Variants in FNIP2 observed in about 807,000 individuals in gnomAD.
The protein encoded by FNIP2 is folliculin-interacting protein 2.
Under a neutral mutation model 108.7 loss-of-function variants are expected in FNIP2, and 32 were observed. The observed-to-expected ratio is 0.29, with a 90% CI of 0.22 to 0.40. FNIP2 has a LOEUF of 0.40. Among genes scored for constraint, FNIP2 ranks in the 10% least tolerant of loss-of-function variants. FNIP2 has a pLI of 1.00. For synonymous variants in FNIP2, 480 were observed against 496.7 expected (o/e 0.97, Z 0.45); for missense variants, 1,202 against 1,381.6 (o/e 0.87, Z 2.06).
At chr4:158,778,629 GTTA>G (rs1240270508) in intron 1 of FNIP2, among the ~76,000 whole-genome samples, 3 of 152,036 alleles carry the variant, frequency 2.0e-5, no homozygotes, top group South Asian at 2.1e-4. Context: ...TTTATTATTA[GTTA>G]TTGTTGTTAA....
intron 1 of FNIP2, among the ~76,000 whole-genome samples, chr4:158,777,359 T>A (rs1775895126): frequency 1.3e-5 from 2 of 152,236 alleles, no homozygotes; most frequent in Admixed American, 6.5e-5. Flanking sequence ...AGACTATATT[T>A]GCATGTTAAA....
intron 1 of FNIP2, among the ~76,000 whole-genome samples, chr4:158,796,276 G>A (rs926812090): frequency 6.6e-6 from 1 of 152,170 alleles, no homozygotes; most frequent in African/African-American, 2.4e-5. Context: ...AGGGGAAATT[G>A]ATGTGACTGA....
At chr4:158,792,463 A>C (rs1314167383) in intron 1 of FNIP2, among the ~76,000 whole-genome samples, 3 of 151,864 alleles carry the variant, frequency 2.0e-5, no homozygotes, top group Non-Finnish European at 4.4e-5. Context: ...CTACTGTAAG[A>C]AGCTGTGATG....
chr4:158,825,542 A>T (rs1560779772), intron 1 of FNIP2, among the ~76,000 whole-genome samples: 1 of 152,224 alleles, frequency 6.6e-6, no homozygotes, highest in African/African-American at 2.4e-5. Context: ...ACACTCCTTT[A>T]ACTCGGATAT....
intron 7 of FNIP2, among the ~76,000 whole-genome samples, chr4:158,842,056 G>A (rs1779162997): frequency 6.6e-6 from 1 of 152,212 alleles, no homozygotes; most frequent in African/African-American, 2.4e-5. Context: ...ATATATGTGA[G>A]CTTGATAATC....
intron 1 of FNIP2, among the ~76,000 whole-genome samples, chr4:158,804,582 T>A (rs1776875658): frequency 6.6e-6 from 1 of 152,088 alleles, no homozygotes; most frequent in Non-Finnish European, 1.5e-5. Flanking sequence ...CTGGCTCATT[T>A]TCTAATTTTT....
chr4:158,821,839 G>A (rs934593798), intron 1 of FNIP2, among the ~76,000 whole-genome samples: 73 of 152,188 alleles, frequency 4.8e-4, no homozygotes, highest in African/African-American at 1.7e-3. Context: ...GTGTCTCACC[G>A]CACTTTGGGA....
intron 16 of FNIP2, among the ~76,000 whole-genome samples, chr4:158,898,850 G>A (rs1215890175): frequency 6.6e-6 from 1 of 152,120 alleles, no homozygotes; most frequent in Non-Finnish European, 1.5e-5. Flanking sequence ...TGATTGTCCT[G>A]GCCAGAACTT....
intron 1 of FNIP2, among the ~76,000 whole-genome samples, chr4:158,811,967 G>T (rs1777300168): frequency 6.6e-6 from 1 of 152,190 alleles, no homozygotes; most frequent in Non-Finnish European, 1.5e-5. Context: ...GAACATGCCT[G>T]GTGTGCATCC....
intron 7 of FNIP2, among the ~76,000 whole-genome samples, chr4:158,850,989 G>A (rs1232142974): frequency 6.6e-6 from 1 of 152,010 alleles, no homozygotes; most frequent in Non-Finnish European, 1.5e-5. Flanking sequence ...AGAAATCTTA[G>A]GAAGAGAGAA....
chr4:158,861,407 C>A lies in FNIP2; in HGVS notation c.1214C>A (p.Ser405Tyr). Residue 405 changes from serine (S) to tyrosine (Y), a missense_variant, in exon 11 of 17, where the codon TCC (serine) becomes TAC (tyrosine). This residue lies in a region of FNIP2 where 878 missense variants were observed against 990.3 expected (regional missense o/e 0.89). Transcript: ENST00000264433. ...GAACCTGTATGGCTTACTATGATGT[C>A]CGGCACTTTGGAAAAAAACCAGCTC... ...IAEPVWLTMM[S>Y]GTLEKNQLCQ... 6.2e-7 allele frequency: 1 copy of A among 1,613,992 alleles called. No homozygotes were observed. The highest frequency in any genetic ancestry group is 8.5e-7 in the Non-Finnish European group (1 of 1,179,896).
At chr4:158,821,743 CT>C (rs1348166844) in intron 1 of FNIP2, among the ~76,000 whole-genome samples, 1 of 152,214 alleles carries the variant, frequency 6.6e-6, no homozygotes, top group Admixed American at 6.5e-5. Flanking sequence ...CTGTCTCATT[CT>C]GAAGCACTGG....
At chr4:158,773,266 A>C (rs1012482193) in intron 1 of FNIP2, among the ~76,000 whole-genome samples, 1 of 152,200 alleles carries the variant, frequency 6.6e-6, no homozygotes, top group Admixed American at 6.5e-5. Flanking sequence ...CACACTCCTT[A>C]CATCATATCT....
At position 158,879,493 on chromosome 4, in the gene FNIP2, G is replaced by A. The variant is rs372395004; in HGVS notation, c.2949+9024G>A. Among the ~76,000 whole-genome samples, 238 of 150,344 alleles carry A rather than the reference G, an allele frequency of 1.6e-3. 16 individuals are homozygous for A. The highest frequency in any genetic ancestry group is 5.6e-3 in the African/African-American group (225 of 40,408). ...TTTTCAGGGAACTGAAGCCCCTTTC[G>A]CTGATGACCCCTTCAGCATATCTCA... On this transcript the variant is annotated intron_variant, in intron 14 of 16. Transcript: ENST00000264433.
At chr4:158,865,131 C>CT (rs1175972959) in intron 12 of FNIP2, among the ~76,000 whole-genome samples, 1 of 152,132 alleles carries the variant, frequency 6.6e-6, no homozygotes, top group East Asian at 1.9e-4. Context: ...TTTTCTTCTG[C>CT]TTTTTCCCCA....
intron 1 of FNIP2, among the ~76,000 whole-genome samples, chr4:158,804,063 G>A (rs1026136546): frequency 1.3e-5 from 2 of 151,962 alleles, no homozygotes; most frequent in African/African-American, 2.4e-5. Flanking sequence ...CTCAGCCTCC[G>A]AGTAGCTGGG....
chr4:158,852,588 G>A (rs1779760663), intron 8 of FNIP2, among the ~76,000 whole-genome samples: 2 of 152,160 alleles, frequency 1.3e-5, no homozygotes, highest in African/African-American at 4.8e-5. Context: ...CACAGCTTCC[G>A]AGTGTGGCTG....
chr4:158,788,815 G>A (rs1776307572), intron 1 of FNIP2, among the ~76,000 whole-genome samples: 1 of 152,218 alleles, frequency 6.6e-6, no homozygotes. Context: ...CACACTCACA[G>A]GATTTCCTGG....
At chr4:158,804,413 C>CTTT (rs35175799) in intron 1 of FNIP2, among the ~76,000 whole-genome samples, 36 of 135,578 alleles carry the variant, frequency 2.7e-4, no homozygotes, top group African/African-American at 6.9e-4. Context: ...GTATTATACA[C>CTTT]TTTTTTTTTT....
Sources: gnomAD v4.1 joint callset for allele counts (sites outside exome capture counted in the v4.1 genomes callset) on GRCh38, gnomAD v4.1.1 for gene constraint, gnomAD v4.1.1 regional missense constraint, MANE v1.5 for transcripts, NCBI Gene and HGNC (gene_info 2026-07-23, HGNC 2026-07-21) for gene names.